Variants in TENM2 observed in about 807,000 individuals in gnomAD.
The protein encoded by TENM2 is teneurin transmembrane protein 2.
A neutral mutation model predicts 245.2 loss-of-function variants in TENM2; 52 were observed. That is an observed-to-expected ratio of 0.21 (90% CI 0.17 to 0.27). The LOEUF (loss-of-function observed/expected upper bound fraction) is 0.27. TENM2 is among the 10% of genes least tolerant of loss of function. TENM2 has a pLI of 1.00. For synonymous variants in TENM2, 1,363 were observed against 1,438.9 expected (o/e 0.95, Z 1.19); for missense variants, 3,046 against 3,666.8 (o/e 0.83, Z 4.37).
chr5:167,573,636 ACT>A (rs1316340897), intron 2 of TENM2, among the ~76,000 whole-genome samples: 3 of 149,952 alleles, frequency 2.0e-5, no homozygotes, highest in Non-Finnish European at 3.0e-5. Flanking sequence ...CAATTCATTG[ACT>A]CTCCTCTCTT....
chr5:168,020,167 T>G (rs1169488824), intron 5 of TENM2, among the ~76,000 whole-genome samples: 1 of 152,174 alleles, frequency 6.6e-6, no homozygotes, highest in African/African-American at 2.4e-5. Context: ...CAAGTTCATT[T>G]AGACCTCCCC....
intron 2 of TENM2, among the ~76,000 whole-genome samples, chr5:167,459,651 A>G (rs755009807): frequency 9.9e-5 from 15 of 152,200 alleles, no homozygotes; most frequent in Admixed American, 5.2e-4. Context: ...AAGCATGCCA[A>G]TATCTCCACA....
chr5:167,807,891 G>A (rs1301105314), intron 2 of TENM2, among the ~76,000 whole-genome samples: 1 of 152,304 alleles, frequency 6.6e-6, no homozygotes, highest in East Asian at 1.9e-4. Flanking sequence ...ATCAGAATGT[G>A]TAGGAATGGG....
chr5:168,021,852 G>A (rs1786176023), intron 5 of TENM2, among the ~76,000 whole-genome samples: 1 of 151,042 alleles, frequency 6.6e-6, no homozygotes, highest in Non-Finnish European at 1.5e-5. Flanking sequence ...TAGGAACAGA[G>A]TTGTGACCTA....
the TENM2 span, among the ~76,000 whole-genome samples, chr5:167,163,211 T>G: frequency 6.6e-6 from 1 of 152,180 alleles, no homozygotes; most frequent in Non-Finnish European, 1.5e-5. Context: ...CCATTGGTCC[T>G]TTGCTTCAGC....
intron 5 of TENM2, among the ~76,000 whole-genome samples, chr5:168,040,935 C>G (rs1391225184): frequency 6.6e-6 from 1 of 152,204 alleles, no homozygotes; most frequent in Non-Finnish European, 1.5e-5. Flanking sequence ...AAATAGCAAA[C>G]TAGTTGCCAA....
At chr5:167,324,448 T>C (rs184073278) in intron 1 of TENM2, among the ~76,000 whole-genome samples, 6 of 152,300 alleles carry the variant, frequency 3.9e-5, no homozygotes, top group Admixed American at 3.9e-4. Flanking sequence ...TTTCAAAATA[T>C]TTTAATCCAT....
intron 4 of TENM2, among the ~76,000 whole-genome samples, chr5:167,983,348 A>G (rs1041807628): frequency 2.0e-5 from 3 of 152,216 alleles, no homozygotes; most frequent in African/African-American, 4.8e-5. Context: ...GCTATGTTGT[A>G]TCACAGTGTG....
At chr5:167,814,453 CAAAAAAAAAA>C (rs11324953) in intron 2 of TENM2, among the ~76,000 whole-genome samples, 5 of 83,940 alleles carry the variant, frequency 6.0e-5, no homozygotes, top group Non-Finnish European at 1.2e-4. Flanking sequence ...CACTCCGATT[CAAAAAAAAAA>C]AAAAAAGAAA....
intron 25 of TENM2, among the ~76,000 whole-genome samples, chr5:168,231,636 A>G (rs747116630): frequency 6.6e-6 from 1 of 151,408 alleles, no homozygotes; most frequent in Non-Finnish European, 1.5e-5. Context: ...ACAGTGGCTC[A>G]TGCTTGTTTT....
intron 2 of TENM2, among the ~76,000 whole-genome samples, chr5:167,443,878 AT>A (rs1022928229): frequency 4.6e-5 from 7 of 152,092 alleles, no homozygotes; most frequent in African/African-American, 1.7e-4. Flanking sequence ...TGGTTTATGG[AT>A]TTTTGTAGTG....
chr5:167,466,095 C>T (rs951780218), intron 2 of TENM2, among the ~76,000 whole-genome samples: 1 of 152,176 alleles, frequency 6.6e-6, no homozygotes, highest in Non-Finnish European at 1.5e-5. Context: ...ACTCTTCACA[C>T]TATATGAAGT....
At chr5:167,238,888 A>G in the TENM2 span, among the ~76,000 whole-genome samples, 5 of 152,290 alleles carry the variant, frequency 3.3e-5, no homozygotes, top group African/African-American at 1.2e-4. Context: ...TAAGAAACAT[A>G]AGCTATTTGC....
At chr5:167,771,977 G>A (rs1763432090) in intron 2 of TENM2, among the ~76,000 whole-genome samples, 1 of 152,098 alleles carries the variant, frequency 6.6e-6, no homozygotes, top group African/African-American at 2.4e-5. Context: ...ATATAAATAT[G>A]GTGGCCATAC....
At chr5:167,891,431 C>T (rs1378000078) in intron 3 of TENM2, among the ~76,000 whole-genome samples, 1 of 152,038 alleles carries the variant, frequency 6.6e-6, no homozygotes, top group Non-Finnish European at 1.5e-5. Context: ...TCAGTGCTTT[C>T]CTAGCTGGAC....
At chr5:167,611,989 A>G (rs1411496177) in intron 2 of TENM2, among the ~76,000 whole-genome samples, 1 of 152,088 alleles carries the variant, frequency 6.6e-6, no homozygotes, top group Non-Finnish European at 1.5e-5. Flanking sequence ...CTCTGAAGTG[A>G]TTTCATATAT....
the TENM2 span, among the ~76,000 whole-genome samples, chr5:167,274,800 A>G: frequency 6.6e-6 from 1 of 151,938 alleles, no homozygotes; most frequent in Admixed American, 6.6e-5. Context: ...TATATATCCT[A>G]TTCAGTGAAA....
intron 2 of TENM2, among the ~76,000 whole-genome samples, chr5:167,793,771 G>A (rs62382850): frequency 6.6e-6 from 1 of 151,924 alleles, no homozygotes; most frequent in Non-Finnish European, 1.5e-5. Flanking sequence ...AAGAGGTCAA[G>A]GCTGCAGTGA....
chr5:167,096,512 T>C, the TENM2 span, among the ~76,000 whole-genome samples: 11,965 of 152,246 alleles, frequency 0.079, 910 homozygotes, highest in African/African-American at 0.19. Context: ...AGTATTTTAT[T>C]TTCCAAGTCA....
Sources: gnomAD v4.1 joint callset for allele counts (sites outside exome capture counted in the v4.1 genomes callset) on GRCh38, gnomAD v4.1.1 for gene constraint, MANE v1.5 for transcripts, NCBI Gene and HGNC (gene_info 2026-07-23, HGNC 2026-07-21) for gene names.